LMO3: variants seen among roughly 807,000 people sequenced by gnomAD.
LMO3 encodes the protein LIM domain only protein 3.
A neutral mutation model predicts 15.8 loss-of-function variants in LMO3; 2 were observed. The ratio of observed to expected loss-of-function variants is 0.13; its 90% CI spans 0.05 to 0.40. LMO3 has a LOEUF of 0.40. LMO3 is among the 10% of genes least tolerant of loss of function. The pLI is 0.99. For missense variants in LMO3, 86 were observed against 182.2 expected (o/e 0.47, Z 3.04); for synonymous variants, 62 against 63.8 (o/e 0.97, Z 0.13).
At chr12:16,557,382 T>TC (rs1332493201) in intron 3 of LMO3, among the ~76,000 whole-genome samples, 2 of 151,810 alleles carry the variant, frequency 1.3e-5, no homozygotes, top group East Asian at 3.9e-4. Flanking sequence ...TTTTTTTTTT[T>TC]TTTAAACGTA....
At chr12:16,594,223 T>G in intron 2 of LMO3, 1 of 1,532,246 alleles carries the variant, frequency 6.5e-7, no homozygotes, top group Non-Finnish European at 8.7e-7. Flanking sequence ...TCTCTGTATG[T>G]GCAGCATGTA....
chr12:16,557,347 C>T (rs74435005), intron 3 of LMO3, among the ~76,000 whole-genome samples: 8,019 of 148,866 alleles, frequency 0.054, 513 homozygotes, highest in African/African-American at 0.16. Flanking sequence ...TACTATCTTT[C>T]ATCCCTTAAG....
intron 2 of LMO3, among the ~76,000 whole-genome samples, chr12:16,561,539 A>T (rs1302774839): frequency 6.6e-6 from 1 of 152,226 alleles, no homozygotes; most frequent in African/African-American, 2.4e-5. Flanking sequence ...ATGAATTCAA[A>T]GGTGCTATAG....
rs1372558660 is a variant in LMO3 at position 16,600,826 on chromosome 12, C to G, written c.35G>C (p.Gly12Ala). Residue 12 changes from glycine (G) to alanine (A), a missense_variant, in exon 2 of 4, where the codon GGT becomes GCT. Gly to Ala is a moderately conservative substitution (Grantham distance 60). Coordinates refer to ENST00000537304, the MANE Select transcript of LMO3 (RefSeq NM_018640.5). ...LSVQPDTKPKGCAGCNRKIKD... is the reference protein window; with the variant it reads ...LSVQPDTKPKACAGCNRKIKD... ...GATCTTTCGGTTGCAGCCAGCACAA[C>G]CTTTCGGCTTGGTGTCTGGCTGGAC... is the stretch of plus-strand genomic sequence containing the variant. 2.5e-6 allele frequency: 4 copies of G among 1,614,006 alleles called. No individual in the cohort carries two copies. The highest frequency in any genetic ancestry group is 3.4e-6 in the Non-Finnish European group (4 of 1,180,020).
Position 16,560,232 on chromosome 12 carries a change from T to C in LMO3, c.332+181A>G, listed in dbSNP as rs1007739327. 3.3e-5 allele frequency among the ~76,000 whole-genome samples: 5 copies of C among 152,180 alleles called. No individual in the cohort carries two copies. The highest frequency in any genetic ancestry group is 1.2e-4 in the African/African-American group (5 of 41,438). ...ATGATGCTTTTCTTTCAGGTAGAAGTAAGTCTTAAGACCTTTCTTCTCCTT... is the reference window on the plus strand; with the variant it reads ...ATGATGCTTTTCTTTCAGGTAGAAGCAAGTCTTAAGACCTTTCTTCTCCTT... On this transcript the variant is annotated intron_variant, in intron 3 of 3. Coordinates refer to ENST00000537304, the MANE Select transcript of LMO3 (RefSeq NM_018640.5). The surrounding 1 kb of genome is among the most constrained non-coding windows in gnomAD (Gnocchi z 5.0).
At chr12:16,606,618 A>G (rs1230498734), upstream of LMO3, 1 of 150,574 alleles carries the variant, frequency 6.6e-6, no homozygotes, top group African/African-American at 2.5e-5. Flanking sequence ...TCTGCAGCTC[A>G]GTCAAGTACA....
chr12:16,596,933 A>T lies in LMO3; in HGVS notation c.206+3722T>A, dbSNP rs1943677543. On this transcript the variant is annotated intron_variant, in intron 2 of 3. Coordinates refer to ENST00000537304, the MANE Select transcript of LMO3 (RefSeq NM_018640.5). The surrounding 1 kb of genome is among the most constrained non-coding windows in gnomAD (Gnocchi z 4.3). ...AAAAAATAAAAATAATTATAAATGC[A>T]TTGGATAGATTTTTAACAGATACAT... Among the ~76,000 whole-genome samples, 1 of 151,746 alleles carries T rather than the reference A, an allele frequency of 6.6e-6. No individual in the cohort carries two copies. Among genetic ancestry groups the T allele is most frequent in the Non-Finnish European group, 1.5e-5 (1 of 67,722 alleles).
At chr12:16,575,423 A>G (rs1942963803) in intron 2 of LMO3, among the ~76,000 whole-genome samples, 1 of 152,240 alleles carries the variant, frequency 6.6e-6, no homozygotes, top group Admixed American at 6.5e-5. Context: ...TACATTTTAA[A>G]GAAACATCTG....
intron 1 of LMO3, chr12:16,602,125 T>C (rs1190083657): frequency 6.6e-6 from 1 of 152,226 alleles, no homozygotes; most frequent in African/African-American, 2.4e-5. Context: ...TGCTGCATTA[T>C]GTTTGCTCTC....
rs1183069850 is a variant in LMO3, at chr12:16,596,007, GATAAA to G, written c.206+4643_206+4647del. 6.6e-6 allele frequency among the ~76,000 whole-genome samples: 1 copy of G among 151,424 alleles called. No individual in the cohort carries two copies. Among genetic ancestry groups the G allele is most frequent in the East Asian group, 1.9e-4 (1 of 5,190 alleles). On this transcript the variant is annotated intron_variant, in intron 2 of 3. Transcript: ENST00000537304. This position sits in a 1 kb window ranked among gnomAD's most constrained non-coding sequence, Gnocchi z 4.3. ...AAAGCATCTGTGCTATAAATTGCCA[GATAAA>G]ATAATATTAACAACATATTCCTATT...
In LMO3 at chr12:16,576,990, C is replaced by T. The variant is rs1397889283; in HGVS notation, c.207-16452G>A. 6.6e-6 allele frequency among the ~76,000 whole-genome samples: 1 copy of T among 152,196 alleles called. No individual in the cohort carries two copies. Among genetic ancestry groups the T allele is most frequent in the Non-Finnish European group, 1.5e-5 (1 of 68,030 alleles). On this transcript the variant is annotated intron_variant, in intron 2 of 3. Transcript: ENST00000537304. The surrounding 1 kb of genome is among the most constrained non-coding windows in gnomAD (Gnocchi z 4.1). Reference sequence around the variant, plus strand: ...TGAGTAAAACTACACTGGAAGCTTGCTAGGCAACATGAGAATCTACTTGCT... The same window carrying T: ...TGAGTAAAACTACACTGGAAGCTTGTTAGGCAACATGAGAATCTACTTGCT...
intron 2 of LMO3, among the ~76,000 whole-genome samples, chr12:16,570,732 G>A (rs554189362): frequency 2.0e-5 from 3 of 152,180 alleles, no homozygotes; most frequent in African/African-American, 7.2e-5. Flanking sequence ...TGATGTAAAG[G>A]ATATCTTTTA....
chr12:16,564,001 C>A (rs1942497423), intron 2 of LMO3, among the ~76,000 whole-genome samples: 1 of 152,138 alleles, frequency 6.6e-6, no homozygotes, highest in African/African-American at 2.4e-5. Context: ...TTCTGACACA[C>A]TTCCAAAAGT....
In LMO3 at chr12:16,603,946, C is replaced by T. The variant is rs1037780350; in HGVS notation, c.-9+2120G>A. Among the ~76,000 whole-genome samples, 1 of 152,066 alleles carries T rather than the reference C, an allele frequency of 6.6e-6. No individual in the cohort carries two copies. The highest frequency in any genetic ancestry group is 1.5e-5 in the Non-Finnish European group (1 of 68,012). ...AACATTTTGTCCGTCGGAAAATTCA[C>T]AGAGAACAATTTGGGAGAGGGAAGA... On this transcript the variant is annotated intron_variant, in intron 1 of 3. Coordinates refer to ENST00000537304, the MANE Select transcript of LMO3 (RefSeq NM_018640.5). The surrounding 1 kb of genome is among the most constrained non-coding windows in gnomAD (Gnocchi z 4.9).
chr12:16,575,680 C>T (rs1468554474), intron 2 of LMO3, among the ~76,000 whole-genome samples: 4 of 152,124 alleles, frequency 2.6e-5, no homozygotes, highest in Admixed American at 2.6e-4. Flanking sequence ...AGCTGGACTC[C>T]ACACACTGAG....
Position 16,604,890 on chromosome 12 carries a change from G to A in LMO3, c.-9+1176C>T. ...CAAAACTTTTCTCCTTTTTCTGCAT[G>A]AGTTGACTTAGGCGTGTCTGAGTTG... On this transcript the variant is annotated intron_variant, in intron 1 of 3. Coordinates refer to ENST00000537304, the MANE Select transcript of LMO3 (RefSeq NM_018640.5). This position sits in a 1 kb window ranked among gnomAD's most constrained non-coding sequence, Gnocchi z 5.3. The A allele has an allele frequency of 1.5e-5, 24 of 1,598,444 alleles. No homozygotes were observed. Among genetic ancestry groups the A allele is most frequent in the Non-Finnish European group, 2.0e-5 (24 of 1,179,802 alleles).
At position 16,576,412 on chromosome 12, in the gene LMO3, A is replaced by G. The variant is rs1942997371; in HGVS notation, c.207-15874T>C. Among the ~76,000 whole-genome samples the G allele has an allele frequency of 6.6e-6, 1 of 151,912 alleles. No homozygotes were observed. The highest frequency in any genetic ancestry group is 1.5e-5 in the Non-Finnish European group (1 of 67,960). On this transcript the variant is annotated intron_variant, in intron 2 of 3. Coordinates refer to ENST00000537304, the MANE Select transcript of LMO3 (RefSeq NM_018640.5). The surrounding 1 kb of genome is among the most constrained non-coding windows in gnomAD (Gnocchi z 4.1). ...CTCCTGCCTGCTGAGTTCCTACTAA[A>G]TCTATTCTTCCTGGAAGACTACTGC...
At position 16,603,412 on chromosome 12, in the gene LMO3, G is replaced by A. The variant is rs1451000883; in HGVS notation, c.-8-2544C>T. Reference sequence around the variant, plus strand: ...CTTAAAAGGCATAAAGCAGTCAGCAGTCTCCCCTCTTCCACCAGAAGAACA... The same window carrying A: ...CTTAAAAGGCATAAAGCAGTCAGCAATCTCCCCTCTTCCACCAGAAGAACA... On this transcript the variant is annotated intron_variant, in intron 1 of 3. Transcript: ENST00000537304. This position sits in a 1 kb window ranked among gnomAD's most constrained non-coding sequence, Gnocchi z 4.9. 6.6e-6 allele frequency among the ~76,000 whole-genome samples: 1 copy of A among 152,168 alleles called. No homozygotes were observed. The highest frequency in any genetic ancestry group is 1.5e-5 in the Non-Finnish European group (1 of 68,044).
rs1249134066 is a variant in LMO3, at chr12:16,603,611, TA to T, written c.-9+2454del. 4.0e-5 allele frequency among the ~76,000 whole-genome samples: 6 copies of T among 151,892 alleles called. No homozygotes were observed. Among genetic ancestry groups the T allele is most frequent in the Non-Finnish European group, 5.9e-5 (4 of 67,962 alleles). On this transcript the variant is annotated intron_variant, in intron 1 of 3. Coordinates refer to ENST00000537304, the MANE Select transcript of LMO3 (RefSeq NM_018640.5). The surrounding 1 kb of genome is among the most constrained non-coding windows in gnomAD (Gnocchi z 4.9). ...TTGACAGTTTAAGGGAAATCATAAT[TA>T]AAAAAAAGACATAAATAATAGCCTG...
Sources: gnomAD v4.1 joint callset for allele counts (sites outside exome capture counted in the v4.1 genomes callset) on GRCh38, gnomAD v4.1.1 for gene constraint, Gnocchi (gnomAD v3.1) non-coding constraint, MANE v1.5 for transcripts, NCBI Gene and HGNC (gene_info 2026-07-23, HGNC 2026-07-21) for gene names.